CRYBB2: variants seen among roughly 807,000 people sequenced by gnomAD.
CRYBB2 encodes beta-crystallin B2.
A neutral mutation model predicts 24.3 loss-of-function variants in CRYBB2; 12 were observed. That is an observed-to-expected ratio of 0.49 (90% CI 0.32 to 0.80). The LOEUF is 0.80. Ranked by LOEUF, CRYBB2 falls within the 30% of genes least tolerant of loss-of-function variation. CRYBB2 has a pLI of 0.04. For synonymous variants in CRYBB2, 98 were observed against 101.6 expected, an observed-to-expected ratio of 0.96 and a Z score of 0.21; for missense variants, 198 against 268.5, an observed-to-expected ratio of 0.74 and a Z score of 1.83.
chr22:25,224,819 A>G (rs1301714464), intron 2 of CRYBB2, 99 bp from the exon 3 acceptor site: 8 of 787,654 alleles, frequency 1.0e-5, no homozygotes, highest in Non-Finnish European at 1.9e-5. Flanking sequence ...TGAACCCTTC[A>G]GCATCCTTTG....
rs2146093680 is a variant in CRYBB2, at chr22:25,229,503, T to C, written c.374T>C (p.Ile125Thr). The change falls in exon 5 of 6, where the codon ATA becomes ACA. Residue 125 changes from isoleucine (I) to threonine (T), a missense_variant. Physicochemically the swap from Ile to Thr is moderately conservative, Grantham distance 89. Coordinates refer to ENST00000398215, the MANE Select transcript of CRYBB2 (RefSeq NM_000496.3). The stretch of plus-strand genomic sequence containing the variant: ...TTCACCGGGAAGAAGATGGAAATCA[T>C]AGATGACGATGTACCCAGCTTCCAC... ...PNFTGKKMEI[I>T]DDDVPSFHAH... is the part of the protein sequence containing the mutation. The C allele has an allele frequency of 6.2e-7, 1 of 1,614,088 alleles. No individual in the cohort carries two copies. The highest frequency in any genetic ancestry group is 1.6e-4 in the Middle Eastern group (1 of 6,062).
intron 4 of CRYBB2, among the ~76,000 whole-genome samples, chr22:25,228,632 G>T (rs8135290): frequency 2.6e-5 from 4 of 152,178 alleles, no homozygotes; most frequent in Admixed American, 1.3e-4. Flanking sequence ...TGGGGAACAC[G>T]GGACTTGGCA....
chr22:25,222,575 C>CAGAAAAA (rs1442254800), intron 2 of CRYBB2, among the ~76,000 whole-genome samples: 1 of 151,872 alleles, frequency 6.6e-6, no homozygotes, highest in East Asian at 1.9e-4. Context: ...CCCATCTCCA[C>CAGAAAAA]AGAAAAATGA....
In CRYBB2 at chr22:25,229,439, A is replaced by G. The variant is rs1935493978; in HGVS notation, c.310A>G (p.Ser104Gly). Residue 104 changes from serine (S) to glycine (G), a missense_variant, in exon 5 of 6, where the codon AGC (serine) becomes GGC (glycine). Ser to Gly is a moderately conservative substitution (Grantham distance 56, BLOSUM62 0). Coordinates refer to ENST00000398215, the MANE Select transcript of CRYBB2 (RefSeq NM_000496.3). ...LSSLRPIKVD[S>G]QEHKIILYEN... is the part of the protein sequence containing the mutation. Reference sequence around the variant, plus strand: ...TCCCCCCATCCTCTGCCAATAGGACAGCCAAGAGCACAAGATCATCCTCTA... The same window carrying G: ...TCCCCCCATCCTCTGCCAATAGGACGGCCAAGAGCACAAGATCATCCTCTA... 1.2e-6 allele frequency: 2 copies of G among 1,609,276 alleles called. No individual in the cohort carries two copies. The highest frequency in any genetic ancestry group is 1.7e-4 in the Middle Eastern group (1 of 6,010).
At chr22:25,223,718 C>T (rs1182209184) in intron 2 of CRYBB2, among the ~76,000 whole-genome samples, 3 of 152,146 alleles carry the variant, frequency 2.0e-5, no homozygotes, top group Non-Finnish European at 4.4e-5. Flanking sequence ...CTGTGCTGAC[C>T]GTGTCGATTC....
intron 4 of CRYBB2, among the ~76,000 whole-genome samples, chr22:25,229,149 C>T (rs1034047553): frequency 1.3e-5 from 2 of 152,052 alleles, no homozygotes; most frequent in Non-Finnish European, 2.9e-5. Flanking sequence ...GTAGGTATAT[C>T]GTAGCCACCA....
chr22:25,220,780 T>G (rs541746356), intron 1 of CRYBB2, among the ~76,000 whole-genome samples: 31 of 152,348 alleles, frequency 2.0e-4, no homozygotes, highest in African/African-American at 7.0e-4. Context: ...CCTGCCACAG[T>G]GCCTGGATTT....
chr22:25,227,304 C>T (rs1935436477), intron 3 of CRYBB2, among the ~76,000 whole-genome samples: 1 of 152,118 alleles, frequency 6.6e-6, no homozygotes, highest in Non-Finnish European at 1.5e-5. Flanking sequence ...CAGAGTCTAA[C>T]AACAGGAACA....
chr22:25,215,194 C>A (rs959373361), upstream of CRYBB2, among the ~76,000 whole-genome samples: 4 of 152,226 alleles, frequency 2.6e-5, no homozygotes, highest in South Asian at 6.2e-4. Context: ...GGCCATGATA[C>A]CCACGCTGGA....
At chr22:25,217,688 G>A (rs938501357), upstream of CRYBB2, among the ~76,000 whole-genome samples, 1 of 152,188 alleles carries the variant, frequency 6.6e-6, no homozygotes, top group African/African-American at 2.4e-5. Flanking sequence ...TGGTAAACCA[G>A]GGGGACAACT....
chr22:25,222,910 A>T (rs1251352650), intron 2 of CRYBB2, among the ~76,000 whole-genome samples: 1 of 152,198 alleles, frequency 6.6e-6, no homozygotes, highest in Non-Finnish European at 1.5e-5. Context: ...TCAAAATATG[A>T]TGTGTATGTT....
intron 3 of CRYBB2, among the ~76,000 whole-genome samples, chr22:25,226,659 G>A (rs1935422844): frequency 1.3e-5 from 2 of 152,144 alleles, no homozygotes; most frequent in South Asian, 4.1e-4. Flanking sequence ...CTTGACAACT[G>A]TTTTTGTTTG....
Position 25,227,860 on chromosome 22 carries a change from G to A in CRYBB2, c.181G>A (p.Gly61Ser), listed in dbSNP as rs770592991. The change falls in exon 4 of 6, where the codon GGC (glycine) becomes AGC (serine). Residue 61 changes from glycine to serine, a missense_variant. Coordinates refer to ENST00000398215, the MANE Select transcript of CRYBB2 (RefSeq NM_000496.3). Reference protein sequence around the residue: ...SVLVQAGPWVGYEQANCKGEQ... With the variant: ...SVLVQAGPWVSYEQANCKGEQ... ...TCTCTGTCTCCATGGCAGCTGGGTG[G>A]GCTATGAACAGGCCAACTGCAAGGG... is the stretch of plus-strand genomic sequence containing the variant. The A allele has an allele frequency of 4.1e-5, 66 of 1,614,000 alleles. No homozygotes were observed. Among genetic ancestry groups the A allele is most frequent in the South Asian group, 5.5e-5 (5 of 91,084 alleles).
upstream of CRYBB2, among the ~76,000 whole-genome samples, chr22:25,218,775 GAGAGAAGAAAGAAAGA>G (rs1569016251): frequency 9.0e-5 from 2 of 22,312 alleles, no homozygotes; most frequent in Admixed American, 5.1e-4. Flanking sequence ...GAGAGAGAGA[GAGAGAAGAAAGAAAGA>G]AAGAAAGAAA....
chr22:25,216,806 T>C (rs1228018112), upstream of CRYBB2, among the ~76,000 whole-genome samples: 1 of 152,198 alleles, frequency 6.6e-6, no homozygotes, highest in Admixed American at 6.5e-5. Flanking sequence ...CAGCCCCCAG[T>C]AACCTCTATT....
chr22:25,212,904 A>G (rs1935123762), intron 1 of CRYBB2: 1 of 152,202 alleles, frequency 6.6e-6, no homozygotes. Flanking sequence ...GCAATGCTAC[A>G]TGAGTGAATG....
chr22:25,220,762 CCCTGCTG>C (rs910133577), intron 1 of CRYBB2, among the ~76,000 whole-genome samples: 2 of 152,184 alleles, frequency 1.3e-5, no homozygotes, highest in Admixed American at 6.5e-5. Context: ...GGCAGGTCTA[CCCTGCTG>C]CCTGCCACAG....
At chr22:25,226,767 G>A (rs569729008) in intron 3 of CRYBB2, among the ~76,000 whole-genome samples, 6 of 152,232 alleles carry the variant, frequency 3.9e-5, no homozygotes, top group South Asian at 2.1e-4. Context: ...TCCGCCTCCC[G>A]GGTTCAGGCA....
chr22:25,222,860 T>C (rs1014620039), intron 2 of CRYBB2, among the ~76,000 whole-genome samples: 7 of 152,068 alleles, frequency 4.6e-5, no homozygotes, highest in Admixed American at 3.3e-4. Context: ...ATAAGAATTA[T>C]TAGGCAGATA....
Sources: allele counts gnomAD v4.1 joint callset (sites outside exome capture counted in the v4.1 genomes callset), GRCh38; gene constraint gnomAD v4.1.1; transcripts MANE v1.5; gene names NCBI Gene and HGNC (gene_info 2026-07-23, HGNC 2026-07-21).